Variants in NT5DC3 observed in about 807,000 individuals in gnomAD.
NT5DC3 encodes the protein 5'-nucleotidase domain-containing protein 3.
Under a neutral mutation model 67.8 loss-of-function variants are expected in NT5DC3, and 42 were observed. The ratio of observed to expected loss-of-function variants is 0.62; its 90% CI spans 0.48 to 0.80. The LOEUF (loss-of-function observed/expected upper bound fraction) is 0.80. Ranked by LOEUF, NT5DC3 falls within the 30% of genes least tolerant of loss-of-function variation. The pLI, the probability that NT5DC3 is intolerant of heterozygous loss-of-function variation, is 0.00. For synonymous variants in NT5DC3, 237 were observed against 255.6 expected, an observed-to-expected ratio of 0.93 and a Z score of 0.69; for missense variants, 570 against 696.4, an observed-to-expected ratio of 0.82 and a Z score of 2.04.
At chr12:103,793,000 C>T (rs1049006595) in intron 9 of NT5DC3, among the ~76,000 whole-genome samples, 164 bp downstream of exon 9, 3 of 152,192 alleles carry the variant, frequency 2.0e-5, no homozygotes, top group Admixed American at 2.0e-4. Flanking sequence ...CTGTTACGTG[C>T]TCATGTCACT....
intron 6 of NT5DC3, among the ~76,000 whole-genome samples, chr12:103,794,334 G>C (rs1886215448): frequency 1.7e-5 from 2 of 114,444 alleles, no homozygotes; most frequent in South Asian, 7.6e-4. Context: ...GTTTTTAATA[G>C]AGACAGGGTT....
At chr12:103,819,036 C>T (rs1887383269) in intron 1 of NT5DC3, among the ~76,000 whole-genome samples, 1 of 152,138 alleles carries the variant, frequency 6.6e-6, no homozygotes, top group Admixed American at 6.5e-5. Flanking sequence ...AGAAAGTCTC[C>T]CTCCCTTCCT....
chr12:103,761,267 T>C, the NT5DC3 span: 1 of 1,599,716 alleles, frequency 6.3e-7, no homozygotes, highest in Non-Finnish European at 8.6e-7. Context: ...ACTCGGAGAG[T>C]AAAAGCCATC....
At chr12:103,762,465 G>C in the NT5DC3 span, 67 of 1,609,524 alleles carry the variant, frequency 4.2e-5, 1 homozygote, top group East Asian at 4.7e-4. Flanking sequence ...CCCTGGACCT[G>C]GGCTGCTTCA....
In NT5DC3 at chr12:103,821,669, C is replaced by T. The variant is rs150826840; in HGVS notation, c.209-6548G>A. Among the ~76,000 whole-genome samples the T allele has an allele frequency of 2.2e-3, 337 of 152,228 alleles. 3 individuals are homozygous for T. Among genetic ancestry groups the T allele is most frequent in the Admixed American group, 0.013 (196 of 15,302 alleles). On this transcript the variant is annotated intron_variant, in intron 1 of 13. Coordinates refer to ENST00000392876, the MANE Select transcript of NT5DC3 (RefSeq NM_001031701.3). ...GCTAGGAACCTGGAAAAGATGTCAACGGGAAAGAGTTAAGTTTTCTATTGC... is the reference window on the plus strand; with the variant it reads ...GCTAGGAACCTGGAAAAGATGTCAATGGGAAAGAGTTAAGTTTTCTATTGC...
chr12:103,771,082 T>C (rs1313411766), downstream of NT5DC3: 1 of 152,242 alleles, frequency 6.6e-6, no homozygotes, highest in African/African-American at 2.4e-5. Flanking sequence ...TAAATCAGCA[T>C]ATGGTATTTT....
chr12:103,797,829 T>C (rs773641488), intron 5 of NT5DC3, among the ~76,000 whole-genome samples: 1 of 152,252 alleles, frequency 6.6e-6, no homozygotes, highest in Admixed American at 6.5e-5. Flanking sequence ...TACATTCTGA[T>C]AAACCCACTG....
At chr12:103,815,857 C>T (rs1245743702) in intron 1 of NT5DC3, among the ~76,000 whole-genome samples, 2 of 152,040 alleles carry the variant, frequency 1.3e-5, no homozygotes, top group African/African-American at 2.4e-5. Flanking sequence ...GCTTCAACAT[C>T]ACAAAAAAGA....
intron 13 of NT5DC3, among the ~76,000 whole-genome samples, chr12:103,779,659 C>A (rs546991261): frequency 2.6e-4 from 39 of 152,256 alleles, no homozygotes; most frequent in Admixed American, 5.9e-4. Flanking sequence ...ACCACTGTTT[C>A]CAAAGCTCAG....
At chr12:103,780,262 G>C (rs372096914) in intron 13 of NT5DC3, 38 bp downstream of exon 13, 1 of 1,557,768 alleles carries the variant, frequency 6.4e-7, no homozygotes, top group Non-Finnish European at 8.9e-7. Flanking sequence ...GCCAGAACAG[G>C]GTGGTGGACG....
chr12:103,797,139 CCAT>C, intron 5 of NT5DC3, 108 bp from the exon 6 acceptor site: 3 of 1,146,434 alleles, frequency 2.6e-6, no homozygotes, highest in Non-Finnish European at 3.8e-6. Context: ...AAACGAGATC[CCAT>C]CATCAACACA....
chr12:103,836,450 A>G (rs1292869879), intron 1 of NT5DC3, among the ~76,000 whole-genome samples: 1 of 152,208 alleles, frequency 6.6e-6, no homozygotes. Flanking sequence ...GGCCCCATGC[A>G]TGTCCAAAAT....
At chr12:103,803,865 C>CCT (rs1410444262) in intron 4 of NT5DC3, among the ~76,000 whole-genome samples, 1 of 126,764 alleles carries the variant, frequency 7.9e-6, no homozygotes, top group African/African-American at 2.7e-5. Context: ...TACCACCCCC[C>CCT]CCCCAAAAAA....
chr12:103,761,155 G>A, the NT5DC3 span: 4 of 677,292 alleles, frequency 5.9e-6, no homozygotes, highest in Non-Finnish European at 1.0e-5. Flanking sequence ...TGTCCAGAGG[G>A]TGAGGAGAAG....
chr12:103,817,863 T>C (rs1887330138), intron 1 of NT5DC3, among the ~76,000 whole-genome samples: 1 of 152,196 alleles, frequency 6.6e-6, no homozygotes, highest in South Asian at 2.1e-4. Flanking sequence ...CACTTCTTTC[T>C]GACTATGAAT....
intron 1 of NT5DC3, among the ~76,000 whole-genome samples, chr12:103,833,062 A>G (rs888821200): frequency 6.6e-6 from 1 of 152,214 alleles, no homozygotes; most frequent in African/African-American, 2.4e-5. Context: ...TATTATCAAC[A>G]TATGTTCTTA....
intron 1 of NT5DC3, among the ~76,000 whole-genome samples, chr12:103,828,964 G>A (rs4964623): frequency 0.22 from 33,561 of 152,076 alleles, 4,234 homozygotes; most frequent in South Asian, 0.43. Context: ...CTTCCCAAGT[G>A]CTGGGATTAC....
chr12:103,771,740 G>A (rs913172257), downstream of NT5DC3, among the ~76,000 whole-genome samples: 2 of 152,152 alleles, frequency 1.3e-5, no homozygotes, highest in African/African-American at 4.8e-5. Flanking sequence ...ATTCCACATC[G>A]TCGGGATTTC....
the NT5DC3 span, chr12:103,759,121 CTTTTTTCTCA>C: frequency 1.9e-6 from 3 of 1,614,118 alleles, no homozygotes; most frequent in Non-Finnish European, 2.5e-6. Flanking sequence ...TGTGTTTCTC[CTTTTTTCTCA>C]GACCTTGTCT....
Sources: gnomAD v4.1 joint callset for allele counts (sites outside exome capture counted in the v4.1 genomes callset) on GRCh38, gnomAD v4.1.1 for gene constraint, MANE v1.5 for transcripts, NCBI Gene and HGNC (gene_info 2026-07-23, HGNC 2026-07-21) for gene names.